The following KLHL29 variants were observed in gnomAD, a reference collection of about 807,000 sequenced individuals.
The protein encoded by KLHL29 is kelch-like protein 29.
KLHL29 carries 21 observed loss-of-function variants against 80.4 expected under a neutral mutation model. The ratio of observed to expected loss-of-function variants is 0.26; its 90% CI spans 0.19 to 0.38. The LOEUF (loss-of-function observed/expected upper bound fraction) is 0.38, where lower values mean the gene tolerates loss of function less well. Among genes scored for constraint, KLHL29 ranks in the 10% least tolerant of loss-of-function variants. The probability of loss-of-function intolerance (pLI) is 1.00; values close to 1 mark genes in which losing one functional copy is unlikely to be tolerated. For missense variants in KLHL29, 867 were observed against 1,223.9 expected (o/e 0.71, Z 4.35); for synonymous variants, 511 against 526.8 (o/e 0.97, Z 0.41).
rs576660800 is a variant in KLHL29, at chr2:23,439,408, G to A, written c.-153-36152G>A. Among the ~76,000 whole-genome samples, 6 of 151,648 alleles carry A rather than the reference G, an allele frequency of 4.0e-5. No homozygotes were observed. The East Asian group carries it at 1.2e-3, about 30-fold the overall frequency. The stretch of plus-strand genomic sequence containing the variant: ...GTTCTTTTAATTGTGATGTTAGGGT[G>A]TCAATTTTGGATCTTTCCTGCTTTC... On this transcript the variant is annotated intron_variant, in intron 1 of 13. Transcript: ENST00000486442.
chr2:23,669,235 C>G lies in KLHL29; in HGVS notation c.941-15164C>G, dbSNP rs1670640352. 6.6e-6 allele frequency: 1 copy of G among 152,332 alleles called. No individual in the cohort carries two copies. Among genetic ancestry groups the G allele is most frequent in the South Asian group, 2.1e-4 (1 of 4,836 alleles). The allele number at this position is 152,332 out of a possible 1,614,324, so 9.4% of individuals were successfully genotyped here. ...CTCTGCCCCTGCTGGGTGCTCAGTGCTGGGAGTCCCTGTCCATGAGCCACC... is the reference window on the plus strand; with the variant it reads ...CTCTGCCCCTGCTGGGTGCTCAGTGGTGGGAGTCCCTGTCCATGAGCCACC... On this transcript the variant is annotated intron_variant, in intron 5 of 13. Coordinates refer to ENST00000486442, the MANE Select transcript of KLHL29 (RefSeq NM_052920.2). The surrounding 1 kb of genome is among the most constrained non-coding windows in gnomAD (Gnocchi z 4.3).
chr2:23,542,817 G>C (rs1200763631), intron 2 of KLHL29, among the ~76,000 whole-genome samples: 1 of 152,162 alleles, frequency 6.6e-6, no homozygotes, highest in Non-Finnish European at 1.5e-5. Flanking sequence ...CTTTCACCAG[G>C]GACACCTGGG....
At chr2:23,614,994 G>A (rs1668966354) in intron 3 of KLHL29, among the ~76,000 whole-genome samples, 1 of 152,212 alleles carries the variant, frequency 6.6e-6, no homozygotes, top group Non-Finnish European at 1.5e-5. Context: ...CTCCTCCAAA[G>A]CCCGTTCCAG....
chr2:23,684,339 A>AT lies in KLHL29; in HGVS notation c.941-58dup. The AT allele has an allele frequency of 2.4e-6, 3 of 1,251,844 alleles. No homozygotes were observed. The highest frequency in any genetic ancestry group is 5.0e-5 in the South Asian group (2 of 40,062). 77.5% of individuals were successfully genotyped at this position (1,251,844 alleles called of 1,614,324 possible). ...GAAAAAAGAAAAAAAACTTTTTTTA[A>AT]TTAAAAAAAAAAAAACTCTTAATGG... is the stretch of plus-strand genomic sequence containing the variant. On this transcript the variant is annotated intron_variant, in intron 5 of 13. Transcript: ENST00000486442. The surrounding 1 kb of genome is among the most constrained non-coding windows in gnomAD (Gnocchi z 4.4).
intron 2 of KLHL29, among the ~76,000 whole-genome samples, chr2:23,481,592 C>G (rs960413090): frequency 6.6e-6 from 1 of 152,226 alleles, no homozygotes; most frequent in African/African-American, 2.4e-5. Flanking sequence ...GTAGCTAGTT[C>G]TGCCAAGAGC....
chr2:23,442,003 A>G lies in KLHL29; in HGVS notation c.-153-33557A>G, dbSNP rs545328923. 2.6e-4 allele frequency among the ~76,000 whole-genome samples: 39 copies of G among 152,250 alleles called. 2 individuals are homozygous for G. In the South Asian group the frequency reaches 7.9e-3, roughly 31 times the overall value. On this transcript the variant is annotated intron_variant, in intron 1 of 13. Coordinates refer to ENST00000486442, the MANE Select transcript of KLHL29 (RefSeq NM_052920.2). Reference sequence around the variant, plus strand: ...ACTGAGTATGTTATCTTACATGGCAATAGAGGTTTTGCAGATGTGATTAAT... The same window carrying G: ...ACTGAGTATGTTATCTTACATGGCAGTAGAGGTTTTGCAGATGTGATTAAT...
rs756920885 is a variant in KLHL29 at position 23,610,463 on chromosome 2, G to A, written c.286-28676G>A. Among the ~76,000 whole-genome samples, 5 of 152,164 alleles carry A rather than the reference G, an allele frequency of 3.3e-5. No individual in the cohort carries two copies. The East Asian group carries it at 5.8e-4, about 18-fold the overall frequency. ...ATTGGTGCTTTAAGAGGCTTGGTCC[G>A]GAATGAGCTGCAGGGAATGGCTAGT... On this transcript the variant is annotated intron_variant, in intron 3 of 13. Transcript: ENST00000486442.
intron 1 of KLHL29, among the ~76,000 whole-genome samples, chr2:23,455,949 G>A (rs759363364): frequency 1.6e-4 from 24 of 152,086 alleles, no homozygotes; most frequent in Non-Finnish European, 3.1e-4. Flanking sequence ...CACACAGAGG[G>A]ACACAGGAAT....
chr2:23,630,574 C>T (rs1458300498), intron 3 of KLHL29, among the ~76,000 whole-genome samples: 1 of 152,166 alleles, frequency 6.6e-6, no homozygotes, highest in Non-Finnish European at 1.5e-5. Flanking sequence ...ACCTCCACCT[C>T]CCAGATTCAA....
At chr2:23,506,296 A>G (rs1572363520) in intron 2 of KLHL29, among the ~76,000 whole-genome samples, 1 of 152,336 alleles carries the variant, frequency 6.6e-6, no homozygotes, top group Non-Finnish European at 1.5e-5. Flanking sequence ...AGGCACAGGA[A>G]GGCTTATGGC....
intron 3 of KLHL29, among the ~76,000 whole-genome samples, chr2:23,592,861 A>G (rs1317073046): frequency 6.6e-6 from 1 of 152,192 alleles, no homozygotes; most frequent in Non-Finnish European, 1.5e-5. Flanking sequence ...CCCTCCCTGC[A>G]GGCACGTTGG....
Position 23,693,402 on chromosome 2 carries a change from C to T in KLHL29, c.1416C>T (p.Ile472=). 1 of 1,551,752 alleles carries T rather than the reference C, an allele frequency of 6.4e-7. No homozygotes were observed. Residue 472 remains isoleucine, a synonymous_variant, in exon 8 of 14, where the codon ATC becomes ATT. Coordinates refer to ENST00000486442, the MANE Select transcript of KLHL29 (RefSeq NM_052920.2). The stretch of plus-strand genomic sequence containing the variant: ...CCGAGGTGGCCGCCCAGGAGGAGAT[C>T]CTCAGCATCTCCAAGGACGACTTCA... ...IFPEVAAQEE[I]LSISKDDFIA...
At chr2:23,428,286 G>A (rs1296872635) in intron 1 of KLHL29, among the ~76,000 whole-genome samples, 1 of 152,156 alleles carries the variant, frequency 6.6e-6, no homozygotes. Context: ...TGTGTCTTCC[G>A]CTGTCCCCCT....
At chr2:23,500,078 A>G (rs981670653) in intron 2 of KLHL29, among the ~76,000 whole-genome samples, 2 of 152,218 alleles carry the variant, frequency 1.3e-5, no homozygotes, top group Non-Finnish European at 2.9e-5. Flanking sequence ...CCAGCAAGAT[A>G]ACAGTGAATG....
At position 23,387,512 on chromosome 2, in the gene KLHL29, T is replaced by TATTA. The variant is rs1319042548; in HGVS notation, c.-154+1733_-154+1736dup. ...TCCCACCTCATTCCTGATTTATTAT[T>TATTA]ATTATTATTATTATTATTATTATTA... On this transcript the variant is annotated intron_variant, in intron 1 of 13. Transcript: ENST00000486442. 3.0e-3 allele frequency among the ~76,000 whole-genome samples: 136 copies of TATTA among 44,782 alleles called. 2 individuals are homozygous for TATTA. Among genetic ancestry groups the TATTA allele is most frequent in the African/African-American group, 0.02 (132 of 6,596 alleles). The allele number at this position is 44,782 out of a possible 152,430, so 29.4% of individuals were successfully genotyped here.
intron 1 of KLHL29, among the ~76,000 whole-genome samples, chr2:23,439,569 C>T (rs563645670): frequency 6.6e-6 from 1 of 152,088 alleles, no homozygotes; most frequent in Admixed American, 6.5e-5. Flanking sequence ...TCGTTATGTA[C>T]CCAGTAGTCA....
rs182226854 is a variant in KLHL29, at chr2:23,618,516, G to A, written c.286-20623G>A. Reference sequence around the variant, plus strand: ...GTTTCTCCTGACCGCCTTTGAGTTGGGACATTGGTCTTTTGCTGCCTTTGG... The same window carrying A: ...GTTTCTCCTGACCGCCTTTGAGTTGAGACATTGGTCTTTTGCTGCCTTTGG... On this transcript the variant is annotated intron_variant, in intron 3 of 13. Transcript: ENST00000486442. Among the ~76,000 whole-genome samples the A allele has an allele frequency of 2.6e-5, 4 of 152,248 alleles. No homozygotes were observed. The East Asian group carries it at 7.7e-4, about 29-fold the overall frequency.
At chr2:23,466,710 T>A (rs1341200602) in intron 1 of KLHL29, among the ~76,000 whole-genome samples, 2 of 152,226 alleles carry the variant, frequency 1.3e-5, no homozygotes, top group Non-Finnish European at 2.9e-5. Context: ...ATGGTTTTTT[T>A]ATCTTTTAAA....
chr2:23,484,804 A>G (rs888510508), intron 2 of KLHL29, among the ~76,000 whole-genome samples: 2 of 152,182 alleles, frequency 1.3e-5, no homozygotes, highest in African/African-American at 4.8e-5. Context: ...GGCCTGCACC[A>G]GTCTCTGCTG....
Sources: gnomAD v4.1 joint callset for allele counts (sites outside exome capture counted in the v4.1 genomes callset) on GRCh38, gnomAD v4.1.1 for gene constraint, Gnocchi (gnomAD v3.1) non-coding constraint, MANE v1.5 for transcripts, NCBI Gene and HGNC (gene_info 2026-07-23, HGNC 2026-07-21) for gene names.